The following EXOC4 variants were observed in gnomAD, a reference collection of about 807,000 sequenced individuals.
EXOC4 encodes SEC8-like 1.
EXOC4 carries 71 observed loss-of-function variants against 107.2 expected under a neutral mutation model. The ratio of observed to expected loss-of-function variants is 0.66; its 90% CI spans 0.55 to 0.81. The LOEUF is 0.81. Among genes scored for constraint, EXOC4 ranks in the 30% least tolerant of loss-of-function variants. The pLI, the probability that EXOC4 is intolerant of heterozygous loss-of-function variation, is 0.00. For synonymous variants in EXOC4, 456 were observed against 441.2 expected (o/e 1.03, Z -0.42); for missense variants, 1,108 against 1,189.6 (o/e 0.93, Z 1.01).
chr7:133,609,991 C>G (rs1434455315), intron 9 of EXOC4, among the ~76,000 whole-genome samples: 1 of 152,172 alleles, frequency 6.6e-6, no homozygotes, highest in African/African-American at 2.4e-5. Context: ...CTTTATTGTT[C>G]TGTAATCTTA....
At chr7:133,636,214 A>T (rs1802706270) in intron 10 of EXOC4, among the ~76,000 whole-genome samples, 1 of 113,650 alleles carries the variant, frequency 8.8e-6, no homozygotes, top group Non-Finnish European at 1.8e-5. Context: ...AGCAAGCAAG[A>T]TAATACTATA....
intron 9 of EXOC4, among the ~76,000 whole-genome samples, chr7:133,610,309 A>G (rs149142052): frequency 0.017 from 2,593 of 152,324 alleles, 35 homozygotes; most frequent in Non-Finnish European, 0.03. Context: ...AATCTCCTTT[A>G]TGAGACCACA....
intron 14 of EXOC4, among the ~76,000 whole-genome samples, chr7:133,988,933 C>T (rs929250579): frequency 6.6e-6 from 1 of 152,042 alleles, no homozygotes; most frequent in Non-Finnish European, 1.5e-5. Context: ...GTTATTTATA[C>T]AAGAAATTAA....
chr7:133,879,678 C>T (rs1798924300), intron 11 of EXOC4, among the ~76,000 whole-genome samples: 1 of 152,144 alleles, frequency 6.6e-6, no homozygotes, highest in South Asian at 2.1e-4. Context: ...TAATCATCAG[C>T]TTTGGCCAGA....
intron 14 of EXOC4, among the ~76,000 whole-genome samples, chr7:133,984,130 C>T (rs531433809): frequency 2.0e-5 from 3 of 152,298 alleles, no homozygotes; most frequent in Admixed American, 6.5e-5. Context: ...CAAAGCTAAA[C>T]GTCCTTGGGG....
chr7:133,456,801 C>A (rs930795646), intron 7 of EXOC4, among the ~76,000 whole-genome samples: 5 of 152,106 alleles, frequency 3.3e-5, no homozygotes, highest in African/African-American at 1.2e-4. Flanking sequence ...TGGTGTGTAG[C>A]ACACAGAAAG....
intron 9 of EXOC4, among the ~76,000 whole-genome samples, chr7:133,566,125 C>T (rs1270879588): frequency 6.6e-6 from 1 of 152,054 alleles, no homozygotes; most frequent in Non-Finnish European, 1.5e-5. Flanking sequence ...TAGATTCTGT[C>T]TTTTTGTCAT....
intron 9 of EXOC4, among the ~76,000 whole-genome samples, chr7:133,505,001 G>A (rs933911978): frequency 6.6e-6 from 1 of 152,064 alleles, no homozygotes; most frequent in Non-Finnish European, 1.5e-5. Flanking sequence ...GAGTCAGGTC[G>A]GAGATTGAAA....
intron 9 of EXOC4, among the ~76,000 whole-genome samples, chr7:133,491,583 T>A (rs1000461125): frequency 2.6e-5 from 4 of 152,188 alleles, no homozygotes; most frequent in Non-Finnish European, 5.9e-5. Flanking sequence ...GTCATATCAG[T>A]TGACACACTG....
intron 14 of EXOC4, among the ~76,000 whole-genome samples, chr7:133,977,738 TTGTG>T (rs201003706): frequency 2.6e-4 from 23 of 88,264 alleles, no homozygotes; most frequent in Non-Finnish European, 3.8e-4. Flanking sequence ...TTTTGTTGTT[TTGTG>T]TGTGTGTGTG....
chr7:133,751,814 C>G (rs533560085), intron 10 of EXOC4, among the ~76,000 whole-genome samples: 1 of 151,936 alleles, frequency 6.6e-6, no homozygotes, highest in African/African-American at 2.4e-5. Flanking sequence ...AACGGCTACT[C>G]TATTATATTC....
intron 10 of EXOC4, among the ~76,000 whole-genome samples, chr7:133,732,101 C>G (rs1449672341): frequency 6.6e-6 from 1 of 152,196 alleles, no homozygotes; most frequent in African/African-American, 2.4e-5. Flanking sequence ...CCATGGAATA[C>G]TGTGCAGTCA....
rs1183296738 is a variant in EXOC4, at chr7:134,065,631, G to T, written c.*1103G>T. On this transcript the variant is annotated 3_prime_UTR_variant, in exon 18 of 18. Transcript: ENST00000253861. ...TTGAAAACTCGTGGAAAGGGAAAGG[G>T]GAGGAGATGGGACTTTGACCACACA... 1 of 152,406 alleles carries T rather than the reference G, an allele frequency of 6.6e-6. No homozygotes were observed. The highest frequency in any genetic ancestry group is 1.5e-5 in the Non-Finnish European group (1 of 68,194). 9.4% of individuals were successfully genotyped at this position (152,406 alleles called of 1,614,324 possible).
intron 3 of EXOC4, among the ~76,000 whole-genome samples, chr7:133,301,772 A>G (rs151183560): frequency 6.6e-6 from 1 of 152,316 alleles, no homozygotes; most frequent in African/African-American, 2.4e-5. Flanking sequence ...ACTCACCTCA[A>G]CTAGAAAAAT....
chr7:134,034,633 C>G lies in EXOC4; in HGVS notation c.2687+26798C>G, dbSNP rs1432120575. ...GGGTGCCTTGCTTACCCTTCACTTTCTGCCATGATTGTAAGTTTCCTGAGG... is the reference window on the plus strand; with the variant it reads ...GGGTGCCTTGCTTACCCTTCACTTTGTGCCATGATTGTAAGTTTCCTGAGG... On this transcript the variant is annotated intron_variant, in intron 17 of 17. Coordinates refer to ENST00000253861, the MANE Select transcript of EXOC4 (RefSeq NM_021807.4). 2.6e-5 allele frequency among the ~76,000 whole-genome samples: 4 copies of G among 152,196 alleles called. No individual in the cohort carries two copies. The East Asian group carries it at 7.7e-4, about 29-fold the overall frequency.
intron 10 of EXOC4, among the ~76,000 whole-genome samples, chr7:133,716,700 T>G (rs1403655568): frequency 6.6e-6 from 1 of 152,174 alleles, no homozygotes; most frequent in Admixed American, 6.5e-5. Context: ...CCCAGCACTT[T>G]GGGAGGACAA....
intron 9 of EXOC4, among the ~76,000 whole-genome samples, chr7:133,629,774 C>T (rs565975731): frequency 1.3e-5 from 2 of 151,940 alleles, no homozygotes; most frequent in South Asian, 2.1e-4. Context: ...AACTGCTGGC[C>T]TCAAGTGATC....
chr7:133,551,866 G>A (rs1195736117), intron 9 of EXOC4: 3 of 152,132 alleles, frequency 2.0e-5, no homozygotes, highest in Non-Finnish European at 4.4e-5. Flanking sequence ...TTGATTAGAG[G>A]AGTGCATTAG....
chr7:133,650,346 C>G (rs755617617), intron 10 of EXOC4, among the ~76,000 whole-genome samples: 3 of 151,926 alleles, frequency 2.0e-5, no homozygotes, highest in Non-Finnish European at 2.9e-5. Flanking sequence ...TAAAATGCAG[C>G]CAGAGTGTAA....
Sources: gnomAD v4.1 joint callset for allele counts (sites outside exome capture counted in the v4.1 genomes callset) on GRCh38, gnomAD v4.1.1 for gene constraint, MANE v1.5 for transcripts, NCBI Gene and HGNC (gene_info 2026-07-23, HGNC 2026-07-21) for gene names.